The following SMYD3 variants were observed in gnomAD, a reference collection of about 807,000 sequenced individuals.
The protein encoded by SMYD3 is SET and MYND domain containing 3, also known as histone-lysine N-methyltransferase SMYD3.
A neutral mutation model predicts 57.7 loss-of-function variants in SMYD3; 36 were observed. That is an observed-to-expected ratio of 0.62 (90% CI 0.48 to 0.82). The LOEUF (loss-of-function observed/expected upper bound fraction) is 0.82, where lower values mean the gene tolerates loss of function less well. SMYD3 is among the 40% of genes least tolerant of loss of function. The pLI, the probability that SMYD3 is intolerant of heterozygous loss-of-function variation, is 0.00. For missense variants in SMYD3, 515 were observed against 538.8 expected, an observed-to-expected ratio of 0.96 and a Z score of 0.44; for synonymous variants, 211 against 195.0, an observed-to-expected ratio of 1.08 and a Z score of -0.68.
intron 5 of SMYD3, among the ~76,000 whole-genome samples, chr1:246,316,541 G>GTTTTT (rs112553747): frequency 4.7e-5 from 5 of 107,338 alleles, no homozygotes; most frequent in African/African-American, 7.1e-5. Flanking sequence ...TGTTGTTTTG[G>GTTTTT]TTTTTTTTTT....
At chr1:246,506,990 C>CG (rs2068552360) in intron 1 of SMYD3, 64 bp downstream of exon 1, 1 of 609,960 alleles carries the variant, frequency 1.6e-6, no homozygotes, top group African/African-American at 3.9e-5. Flanking sequence ...CCGCCCGACG[C>CG]CCCCCCCTCC....
intron 5 of SMYD3, among the ~76,000 whole-genome samples, chr1:246,122,280 T>C (rs12022412): frequency 0.08 from 12,212 of 152,034 alleles, 977 homozygotes; most frequent in African/African-American, 0.19. Context: ...GCAATGGTGA[T>C]GCACACTTGT....
intron 5 of SMYD3, among the ~76,000 whole-genome samples, chr1:246,062,324 C>A (rs1011256334): frequency 6.6e-6 from 1 of 152,132 alleles, no homozygotes; most frequent in South Asian, 2.1e-4. Context: ...GGCCTTTCTG[C>A]GAGAAAAAAC....
chr1:246,369,155 G>A (rs1271401292), intron 1 of SMYD3, among the ~76,000 whole-genome samples: 2 of 152,030 alleles, frequency 1.3e-5, no homozygotes, highest in African/African-American at 4.8e-5. Context: ...TATCATGCTT[G>A]GTTCACAGAA....
chr1:245,993,527 G>A (rs933138260), intron 5 of SMYD3, among the ~76,000 whole-genome samples: 9 of 151,654 alleles, frequency 5.9e-5, no homozygotes, highest in South Asian at 2.1e-4. Flanking sequence ...TTGAGCCCAC[G>A]AGTTCAAGAC....
rs528324919 is a variant in SMYD3, at chr1:245,774,906, T to A, written c.1077-10757A>T. Among the ~76,000 whole-genome samples, 748 of 152,284 alleles carry A rather than the reference T, an allele frequency of 4.9e-3. 9 individuals are homozygous for A. The highest frequency in any genetic ancestry group is 0.017 in the African/African-American group (713 of 41,564). The stretch of plus-strand genomic sequence containing the variant: ...TTGGTGGAGACGGGGTTTCACTGTG[T>A]TGGCCGGGCTGGTCTCCAGCTCCTA... On this transcript the variant is annotated intron_variant, in intron 10 of 11. Transcript: ENST00000490107.
chr1:246,348,339 G>A (rs190507504), intron 2 of SMYD3, among the ~76,000 whole-genome samples: 4 of 151,998 alleles, frequency 2.6e-5, no homozygotes, highest in Admixed American at 6.6e-5. Flanking sequence ...TTACTTGAGC[G>A]TGGAAGGCAG....
chr1:245,860,825 G>C (rs895516452), intron 9 of SMYD3, among the ~76,000 whole-genome samples: 2 of 152,214 alleles, frequency 1.3e-5, no homozygotes, highest in African/African-American at 4.8e-5. Flanking sequence ...GATATTTGAC[G>C]AACTGTCAGG....
At chr1:245,916,694 C>T (rs1256300733) in intron 7 of SMYD3, among the ~76,000 whole-genome samples, 3 of 152,190 alleles carry the variant, frequency 2.0e-5, no homozygotes, top group Non-Finnish European at 4.4e-5. Flanking sequence ...CATTACCTCT[C>T]ACCTGTAAAA....
At chr1:246,463,948 A>C (rs2103042068) in intron 1 of SMYD3, among the ~76,000 whole-genome samples, 1 of 152,178 alleles carries the variant, frequency 6.6e-6, no homozygotes, top group Admixed American at 6.5e-5. Context: ...AAGACAACAG[A>C]GGAGGCATAT....
rs375946117 is a variant in SMYD3, at chr1:246,326,713, G to A, written c.531+488C>T. On this transcript the variant is annotated intron_variant, in intron 5 of 11. Transcript: ENST00000490107. ...TGGGAGGCGGAGATTGCAGTGAGCC[G>A]AGATCGCACCACTACACTCAAGCCT... The A allele has an allele frequency of 4.2e-4, 120 of 286,038 alleles. 3 individuals are homozygous for A. The highest frequency in any genetic ancestry group is 3.7e-3 in the East Asian group (51 of 13,614). The allele number at this position is 286,038 out of a possible 1,614,324, so 17.7% of individuals were successfully genotyped here. A position where few individuals can be genotyped will look rare whatever the true frequency, so the allele number is the denominator to read the frequency against.
At chr1:246,130,008 A>G (rs1290236154) in intron 5 of SMYD3, among the ~76,000 whole-genome samples, 1 of 152,242 alleles carries the variant, frequency 6.6e-6, no homozygotes, top group African/African-American at 2.4e-5. Flanking sequence ...AGAGAAGAGG[A>G]AACTAACAAT....
chr1:246,059,168 A>G (rs1014933831), intron 5 of SMYD3, among the ~76,000 whole-genome samples: 7 of 152,064 alleles, frequency 4.6e-5, no homozygotes, highest in Non-Finnish European at 8.8e-5. Flanking sequence ...GAGCCACCGC[A>G]CCCGGCCCAC....
At chr1:245,940,225 T>C (rs1260867954) in intron 5 of SMYD3, among the ~76,000 whole-genome samples, 1 of 152,198 alleles carries the variant, frequency 6.6e-6, no homozygotes, top group African/African-American at 2.4e-5. Context: ...GAAGAGTCCA[T>C]GCAGTCTGGA....
At chr1:245,864,621 C>A (rs1313979021) in intron 8 of SMYD3, among the ~76,000 whole-genome samples, 22 of 152,036 alleles carry the variant, frequency 1.4e-4, no homozygotes. Context: ...TTGGAGGGAA[C>A]TGGAGAGTCA....
At chr1:246,366,418 A>G (rs1329116333) in intron 1 of SMYD3, among the ~76,000 whole-genome samples, 1 of 152,204 alleles carries the variant, frequency 6.6e-6, no homozygotes, top group African/African-American at 2.4e-5. Context: ...TGAAACTTTG[A>G]TATGTTACTG....
In SMYD3 at chr1:246,114,830, C is replaced by T. The variant is rs551978943; in HGVS notation, c.532-184893G>A. Among the ~76,000 whole-genome samples the T allele has an allele frequency of 2.4e-4, 36 of 152,296 alleles. No individual in the cohort carries two copies. The East Asian group carries it at 3.7e-3, about 16-fold the overall frequency. ...TATTTTTAGTAGAGACGGGGTTTCA[C>T]CATGTTGGCCAGGCTGGTCTCGATC... On this transcript the variant is annotated intron_variant, in intron 5 of 11. Coordinates refer to ENST00000490107, the MANE Select transcript of SMYD3 (RefSeq NM_001167740.2).
chr1:245,928,385 T>TA (rs1474875608), intron 6 of SMYD3, among the ~76,000 whole-genome samples: 14 of 152,106 alleles, frequency 9.2e-5, no homozygotes, highest in African/African-American at 3.4e-4. Flanking sequence ...AAGAAATACT[T>TA]AGACAGCTGG....
chr1:245,961,137 T>C (rs1463826142), intron 5 of SMYD3, among the ~76,000 whole-genome samples: 2 of 152,172 alleles, frequency 1.3e-5, no homozygotes, highest in African/African-American at 4.8e-5. Flanking sequence ...AGAGTAGAGA[T>C]GGTGGTCTAC....
Sources: gnomAD v4.1 joint callset for allele counts (sites outside exome capture counted in the v4.1 genomes callset) on GRCh38, gnomAD v4.1.1 for gene constraint, MANE v1.5 for transcripts, NCBI Gene and HGNC (gene_info 2026-07-23, HGNC 2026-07-21) for gene names.